Variants in FRY observed in about 807,000 individuals in gnomAD.
FRY encodes the protein protein furry homolog.
Under a neutral mutation model 348.4 loss-of-function variants are expected in FRY, and 128 were observed. The ratio of observed to expected loss-of-function variants is 0.37; its 90% CI spans 0.32 to 0.43. The LOEUF (loss-of-function observed/expected upper bound fraction) is 0.43. FRY is among the 20% of genes least tolerant of loss of function. The probability of loss-of-function intolerance (pLI) is 1.00; values close to 1 mark genes in which losing one functional copy is unlikely to be tolerated. For synonymous variants in FRY, 1,370 were observed against 1,374.7 expected (o/e 1.00, Z 0.08); for missense variants, 2,736 against 3,695.2 (o/e 0.74, Z 6.73).
Position 32,274,849 on chromosome 13 carries a change from A to G in FRY, c.8144A>G (p.Gln2715Arg), listed in dbSNP as rs199709966. 1.1e-4 allele frequency: 181 copies of G among 1,613,172 alleles called. No homozygotes were observed. Among genetic ancestry groups the G allele is most frequent in the Non-Finnish European group, 1.5e-4 (171 of 1,179,238 alleles). Residue 2715 changes from glutamine (Q) to arginine (R), a missense_variant, in exon 56 of 61, where the codon CAG becomes CGG. Gln to Arg is a conservative substitution (Grantham distance 43). Coordinates refer to ENST00000542859, the MANE Select transcript of FRY (RefSeq NM_023037.3). Reference protein sequence around the residue: ...HVFSSLFKNIQKRFCFLTCDA... With the variant: ...HVFSSLFKNIRKRFCFLTCDA... The stretch of plus-strand genomic sequence containing the variant: ...CACTATTTTGCCTTGCAGAATATTC[A>G]GAAAAGGTTCTGCTTCCTAACCTGT...
chr13:32,113,198 G>T (rs1249786674), intron 3 of FRY, among the ~76,000 whole-genome samples: 1 of 152,090 alleles, frequency 6.6e-6, no homozygotes, highest in Non-Finnish European at 1.5e-5. Context: ...TGAGTATCGT[G>T]GCCCTCAGAG....
intron 3 of FRY, among the ~76,000 whole-genome samples, chr13:32,106,867 A>G (rs1387465879): frequency 6.6e-6 from 1 of 152,240 alleles, no homozygotes; most frequent in Non-Finnish European, 1.5e-5. Context: ...AGAACTATTT[A>G]CAGTTCTGTA....
chr13:32,256,029 A>G (rs958465822), intron 51 of FRY, among the ~76,000 whole-genome samples: 3 of 152,212 alleles, frequency 2.0e-5, no homozygotes, highest in African/African-American at 4.8e-5. Context: ...ATCCGACACA[A>G]TTTCAGAACA....
At position 32,175,626 on chromosome 13, in the gene FRY, G is replaced by A. The variant is rs774557776; in HGVS notation, c.2415G>A (p.Ser805=). The A allele has an allele frequency of 1.8e-5, 29 of 1,571,160 alleles. No individual in the cohort carries two copies. Among genetic ancestry groups the A allele is most frequent in the South Asian group, 4.4e-5 (4 of 90,180 alleles). Residue 805 remains serine, a synonymous_variant, in exon 20 of 61, where the codon TCG becomes TCA. Coordinates refer to ENST00000542859, the MANE Select transcript of FRY (RefSeq NM_023037.3). ...ILESFIHVAV[S]DSATLPLTHN... Reference sequence around the variant, plus strand: ...AAAGTTTTATTCATGTAGCAGTTTCGGATTCAGTAAGTACACATTTGATTC... The same window carrying A: ...AAAGTTTTATTCATGTAGCAGTTTCAGATTCAGTAAGTACACATTTGATTC...
intron 11 of FRY, among the ~76,000 whole-genome samples, chr13:32,142,531 T>C (rs542696054): frequency 6.6e-6 from 1 of 152,364 alleles, no homozygotes; most frequent in East Asian, 1.9e-4. Flanking sequence ...TCGTTTACTT[T>C]GAGCAATTTA....
At chr13:32,251,254 G>C (rs1236103897) in intron 49 of FRY, among the ~76,000 whole-genome samples, 1 of 152,190 alleles carries the variant, frequency 6.6e-6, no homozygotes, top group African/African-American at 2.4e-5. Flanking sequence ...TGGTCAAGGG[G>C]CTGGAAAATA....
intron 27 of FRY, among the ~76,000 whole-genome samples, chr13:32,187,261 G>A (rs905914568): frequency 3.3e-5 from 5 of 151,936 alleles, no homozygotes; most frequent in African/African-American, 9.7e-5. Flanking sequence ...TAGTTTTTTG[G>A]TTTTGAATAC....
intron 2 of FRY, among the ~76,000 whole-genome samples, chr13:32,080,400 C>T (rs1479240684): frequency 6.6e-6 from 1 of 152,180 alleles, no homozygotes; most frequent in Non-Finnish European, 1.5e-5. Context: ...GCATTTATTT[C>T]CTGCTTACAG....
intron 2 of FRY, among the ~76,000 whole-genome samples, chr13:32,086,967 T>G (rs1875912175): frequency 6.6e-6 from 1 of 152,176 alleles, no homozygotes; most frequent in Non-Finnish European, 1.5e-5. Flanking sequence ...ATTGCCCCTG[T>G]GCTGAGTTAG....
chr13:32,216,020 T>C (rs908721557), intron 35 of FRY, among the ~76,000 whole-genome samples: 1 of 152,206 alleles, frequency 6.6e-6, no homozygotes, highest in African/African-American at 2.4e-5. Flanking sequence ...TCTATCTAAA[T>C]TGATAGTGTT....
chr13:32,247,941 A>T (rs1886889461), intron 48 of FRY, among the ~76,000 whole-genome samples: 1 of 152,216 alleles, frequency 6.6e-6, no homozygotes, highest in Non-Finnish European at 1.5e-5. Flanking sequence ...TTTTTAAACA[A>T]GTAAAACTAA....
At chr13:32,138,222 A>T (rs1411578400) in intron 11 of FRY, among the ~76,000 whole-genome samples, 3 of 151,994 alleles carry the variant, frequency 2.0e-5, no homozygotes, top group East Asian at 3.9e-4. Context: ...CTTTCAAGTT[A>T]TCCAGCTGTT....
intron 3 of FRY, among the ~76,000 whole-genome samples, chr13:32,104,702 G>C: frequency 6.6e-6 from 1 of 152,182 alleles, no homozygotes; most frequent in East Asian, 1.9e-4. Context: ...TCGAATTGTA[G>C]CTCCCATAAT....
intron 4 of FRY, among the ~76,000 whole-genome samples, chr13:32,122,941 C>T (rs1253691555): frequency 9.1e-6 from 1 of 109,700 alleles, no homozygotes; most frequent in Non-Finnish European, 2.1e-5. Flanking sequence ...TTTACAATAG[C>T]TGCAAAAAAT....
At chr13:32,251,069 G>T (rs1175892500) in intron 49 of FRY, among the ~76,000 whole-genome samples, 1 of 152,194 alleles carries the variant, frequency 6.6e-6, no homozygotes, top group Non-Finnish European at 1.5e-5. Flanking sequence ...AAATCTAAGA[G>T]TGGCATTGGC....
chr13:32,092,428 G>C (rs1214493279), intron 2 of FRY, among the ~76,000 whole-genome samples: 1 of 152,208 alleles, frequency 6.6e-6, no homozygotes, highest in Admixed American at 6.5e-5. Context: ...GTGAAGTGAA[G>C]ATGTAATTCG....
chr13:32,263,557 A>T (rs541661124), intron 53 of FRY, among the ~76,000 whole-genome samples: 49 of 152,352 alleles, frequency 3.2e-4, no homozygotes, highest in African/African-American at 1.2e-3. Context: ...AAGCCCAGAA[A>T]GAAAAGTTGT....
intron 17 of FRY, among the ~76,000 whole-genome samples, chr13:32,167,089 G>A (rs150158941): frequency 1.5e-3 from 226 of 152,248 alleles, no homozygotes; most frequent in African/African-American, 4.7e-3. Context: ...GTTAGATGAC[G>A]AGTAGAATCA....
At chr13:32,137,107 T>C in intron 11 of FRY, 135 bp downstream of exon 11, 1 of 680,066 alleles carries the variant, frequency 1.5e-6, no homozygotes, top group Non-Finnish European at 2.7e-6. Context: ...AATGAAAAAA[T>C]ATTAATAAGA....
Sources: gnomAD v4.1 joint callset for allele counts (sites outside exome capture counted in the v4.1 genomes callset) on GRCh38, gnomAD v4.1.1 for gene constraint, MANE v1.5 for transcripts, NCBI Gene and HGNC (gene_info 2026-07-23, HGNC 2026-07-21) for gene names.